The following PKD1L1 variants were observed in gnomAD, a reference collection of about 807,000 sequenced individuals.
PKD1L1 encodes the protein polycystin-1-like protein 1.
A neutral mutation model predicts 323.4 loss-of-function variants in PKD1L1; 236 were observed. The observed-to-expected ratio is 0.73, with a 90% confidence interval of 0.66 to 0.81. The LOEUF (loss-of-function observed/expected upper bound fraction) is 0.81, where lower values mean the gene tolerates loss of function less well. PKD1L1 is among the 40% of genes least tolerant of loss of function. The probability of loss-of-function intolerance (pLI) is 0.00; values close to 1 mark genes in which losing one functional copy is unlikely to be tolerated. For synonymous variants in PKD1L1, 1,344 were observed against 1,335.0 expected, an observed-to-expected ratio of 1.01 and a Z score of -0.15; for missense variants, 3,320 against 3,508.0, an observed-to-expected ratio of 0.95 and a Z score of 1.35.
chr7:47,788,501 A>G (rs1284411731), intron 56 of PKD1L1, among the ~76,000 whole-genome samples: 2 of 148,916 alleles, frequency 1.3e-5, no homozygotes, highest in African/African-American at 2.5e-5. Flanking sequence ...CAAGTGATCC[A>G]CCTGCCTTGG....
rs35198089 is a variant in PKD1L1 at position 47,880,284 on chromosome 7, A to ATTTTTT, written c.3520+438_3520+443dup. ...TATATACATATATATATATATATAT[A>ATTTTTT]TTTTTTTTTTTTTTTTTGAGACAGT... On this transcript the variant is annotated intron_variant, in intron 21 of 56. Coordinates refer to ENST00000289672, the MANE Select transcript of PKD1L1 (RefSeq NM_138295.5). Among the ~76,000 whole-genome samples, 56 of 56,778 alleles carry ATTTTTT rather than the reference A, an allele frequency of 9.9e-4. 4 individuals are homozygous for ATTTTTT. Among genetic ancestry groups the ATTTTTT allele is most frequent in the African/African-American group, 5.8e-3 (54 of 9,378 alleles). 37.2% of individuals were successfully genotyped at this position (56,778 alleles called of 152,430 possible).
At chr7:47,897,158 T>C (rs150235645) in intron 14 of PKD1L1, among the ~76,000 whole-genome samples, 3 of 152,182 alleles carry the variant, frequency 2.0e-5, no homozygotes, top group Non-Finnish European at 2.9e-5. Flanking sequence ...CAGCACAGAT[T>C]GGGAGGATTT....
chr7:47,834,427 G>A (rs1243118023), intron 39 of PKD1L1, 42 bp from the exon 40 acceptor site: 1 of 1,529,202 alleles, frequency 6.5e-7, no homozygotes, highest in Non-Finnish European at 9.1e-7. Flanking sequence ...ATGCTTTGGG[G>A]TGATACATTT....
At chr7:47,778,525 G>A (rs1786620618) in intron 56 of PKD1L1, among the ~76,000 whole-genome samples, 1 of 152,172 alleles carries the variant, frequency 6.6e-6, no homozygotes, top group African/African-American at 2.4e-5. Flanking sequence ...TCAAACAGGT[G>A]AAGATGAAGA....
intron 24 of PKD1L1, among the ~76,000 whole-genome samples, chr7:47,868,581 AAGAC>A (rs1299133806): frequency 2.0e-5 from 3 of 152,126 alleles, no homozygotes; most frequent in Admixed American, 1.3e-4. Flanking sequence ...GTTTCTTTGA[AAGAC>A]AGAAAACTGG....
intron 55 of PKD1L1, 152 bp downstream of exon 55, chr7:47,795,837 C>T: frequency 1.1e-6 from 1 of 883,584 alleles, no homozygotes; most frequent in Non-Finnish European, 1.8e-6. Context: ...TCCATGAGTT[C>T]CACTATGATT....
chr7:47,942,385 T>C (rs1045306254), intron 2 of PKD1L1, among the ~76,000 whole-genome samples: 1 of 152,120 alleles, frequency 6.6e-6, no homozygotes, highest in African/African-American at 2.4e-5. Flanking sequence ...TGCAAAAGAA[T>C]TGGCGTTGCA....
intron 56 of PKD1L1, among the ~76,000 whole-genome samples, chr7:47,790,165 G>T (rs1436708227): frequency 2.0e-5 from 3 of 150,568 alleles, no homozygotes; most frequent in Non-Finnish European, 4.4e-5. Context: ...CTATGATTAC[G>T]GGCGTGAGCC....
chr7:47,875,963 C>T lies in PKD1L1; in HGVS notation c.3784+134G>A, dbSNP rs965149928. On this transcript the variant is annotated intron_variant, in intron 23 of 56. Coordinates refer to ENST00000289672, the MANE Select transcript of PKD1L1 (RefSeq NM_138295.5). ...TCTGCACTAAAAGGTAGATAATAAACCTAAACTGAAAAGCATTAAACTGAT... is the reference window on the plus strand; with the variant it reads ...TCTGCACTAAAAGGTAGATAATAAATCTAAACTGAAAAGCATTAAACTGAT... 3 of 891,230 alleles carry T rather than the reference C, an allele frequency of 3.4e-6. No individual in the cohort carries two copies. The African/African-American group carries it at 5.2e-5, about 15-fold the overall frequency. The allele number at this position is 891,230 out of a possible 1,614,324, so 55.2% of individuals were successfully genotyped here.
intron 54 of PKD1L1, among the ~76,000 whole-genome samples, chr7:47,798,551 T>C (rs1584949809): frequency 6.6e-6 from 1 of 150,436 alleles, no homozygotes; most frequent in African/African-American, 2.4e-5. Flanking sequence ...AGGTCAGGAG[T>C]TCGAGACCAG....
chr7:47,927,193 T>C (rs1787670824), intron 7 of PKD1L1, among the ~76,000 whole-genome samples: 1 of 148,864 alleles, frequency 6.7e-6, no homozygotes. Flanking sequence ...TAATAAAAGT[T>C]AAAAATTCCT....
chr7:47,827,279 G>T, intron 45 of PKD1L1, 71 bp downstream of exon 45: 1 of 1,287,670 alleles, frequency 7.8e-7, no homozygotes, highest in Non-Finnish European at 1.1e-6. Flanking sequence ...GAGGACCAGC[G>T]GCAGTGGGGT....
intron 27 of PKD1L1, 35 bp from the exon 28 acceptor site, chr7:47,857,867 A>G: frequency 6.3e-7 from 1 of 1,583,288 alleles, no homozygotes; most frequent in Non-Finnish European, 8.7e-7. Context: ...GGATGTTTAT[A>G]ACACAAATGC....
At chr7:47,877,934 C>G (rs1025590680) in intron 21 of PKD1L1, among the ~76,000 whole-genome samples, 2 of 152,000 alleles carry the variant, frequency 1.3e-5, no homozygotes, top group Non-Finnish European at 2.9e-5. Context: ...CTGGGTGGGG[C>G]AGGTACTATC....
chr7:47,948,519 AGCTTAATG>A, upstream of PKD1L1: 1 of 1,407,822 alleles, frequency 7.1e-7, no homozygotes, highest in Admixed American at 1.7e-5. Flanking sequence ...AAAGAAATAG[AGCTTAATG>A]CTTCCAGCTT....
rs564805656 is a variant in PKD1L1 at position 47,901,876 on chromosome 7, G to T, written c.2064+503C>A. On this transcript the variant is annotated intron_variant, in intron 13 of 56. Coordinates refer to ENST00000289672, the MANE Select transcript of PKD1L1 (RefSeq NM_138295.5). The stretch of plus-strand genomic sequence containing the variant: ...AATCACAGGCCTCAAAGGAATGAAA[G>T]AAATAAAAACCAACCCTATTTTTTC... Among the ~76,000 whole-genome samples, 5 of 152,266 alleles carry T rather than the reference G, an allele frequency of 3.3e-5. No homozygotes were observed. The South Asian group carries it at 1.0e-3, about 32-fold the overall frequency.
chr7:47,928,399 T>A (rs569190949), intron 7 of PKD1L1, among the ~76,000 whole-genome samples: 2 of 152,028 alleles, frequency 1.3e-5, no homozygotes, highest in Admixed American at 6.6e-5. Flanking sequence ...TGAAACCCCA[T>A]GTCTACTAAA....
chr7:47,939,755 G>A (rs1293677661), intron 3 of PKD1L1, among the ~76,000 whole-genome samples: 1 of 152,134 alleles, frequency 6.6e-6, no homozygotes, highest in Non-Finnish European at 1.5e-5. Flanking sequence ...AGCCATCTCG[G>A]GGCAGCTCCC....
At chr7:47,808,200 T>C (rs1777500410) in intron 52 of PKD1L1, 47 bp downstream of exon 52, 1 of 1,600,406 alleles carries the variant, frequency 6.2e-7, no homozygotes, top group African/African-American at 1.3e-5. Context: ...TTGGATGGCA[T>C]CACAGTGCAT....
Sources: allele counts gnomAD v4.1 joint callset (sites outside exome capture counted in the v4.1 genomes callset), GRCh38; gene constraint gnomAD v4.1.1; transcripts MANE v1.5; gene names NCBI Gene and HGNC (gene_info 2026-07-23, HGNC 2026-07-21).